The following CACNA2D3 variants were observed in gnomAD, a reference collection of about 807,000 sequenced individuals.
CACNA2D3 encodes calcium voltage-gated channel auxiliary subunit alpha2delta 3, also known as voltage-dependent calcium channel subunit alpha-2/delta-3.
A neutral mutation model predicts 160.6 loss-of-function variants in CACNA2D3; 60 were observed. The observed-to-expected ratio is 0.37, with a 90% CI of 0.30 to 0.46. CACNA2D3 has a LOEUF of 0.46. Ranked by LOEUF, CACNA2D3 falls within the 20% of genes least tolerant of loss-of-function variation. CACNA2D3 has a pLI of 1.00. For synonymous variants in CACNA2D3, 558 were observed against 492.9 expected, an observed-to-expected ratio of 1.13 and a Z score of -1.75; for missense variants, 1,205 against 1,365.0, an observed-to-expected ratio of 0.88 and a Z score of 1.85.
intron 4 of CACNA2D3, among the ~76,000 whole-genome samples, chr3:54,460,877 G>A (rs896887584): frequency 6.6e-6 from 1 of 152,194 alleles, no homozygotes; most frequent in African/African-American, 2.4e-5. Context: ...AATGCTTCCA[G>A]TTTTTGCCCA....
intron 14 of CACNA2D3, among the ~76,000 whole-genome samples, chr3:54,819,383 G>C (rs952906039): frequency 1.1e-4 from 16 of 152,264 alleles, no homozygotes; most frequent in African/African-American, 3.1e-4. Flanking sequence ...ATTACGACTT[G>C]GCTTGACTTG....
chr3:54,414,536 G>A (rs1439614901), intron 4 of CACNA2D3, among the ~76,000 whole-genome samples: 1 of 152,072 alleles, frequency 6.6e-6, no homozygotes. Flanking sequence ...AAGTTACCAC[G>A]TTAGTGACCC....
chr3:54,473,379 A>G (rs1025241833), intron 4 of CACNA2D3, among the ~76,000 whole-genome samples: 2 of 152,230 alleles, frequency 1.3e-5, no homozygotes, highest in East Asian at 3.8e-4. Flanking sequence ...TAAAAAAATT[A>G]ACTCAGGATG....
intron 27 of CACNA2D3, chr3:54,927,789 G>A: frequency 9.1e-7 from 1 of 1,093,288 alleles, no homozygotes; most frequent in Non-Finnish European, 1.4e-6. Context: ...TTTCATATCT[G>A]TCCAGTCTTT....
intron 9 of CACNA2D3, among the ~76,000 whole-genome samples, chr3:54,618,444 A>G (rs1698911309): frequency 6.7e-6 from 1 of 149,688 alleles, no homozygotes; most frequent in Non-Finnish European, 1.5e-5. Flanking sequence ...TTATTCACAG[A>G]CTCAAATAAG....
rs151305580 is a variant in CACNA2D3, at chr3:54,420,910, G to A, written c.381+34136G>A. Among the ~76,000 whole-genome samples the A allele has an allele frequency of 2.9e-3, 439 of 152,322 alleles. 1 individual carries two copies. The highest frequency in any genetic ancestry group is 0.01 in the Middle Eastern group (3 of 294). On this transcript the variant is annotated intron_variant, in intron 4 of 37. Coordinates refer to ENST00000474759, the MANE Select transcript of CACNA2D3 (RefSeq NM_018398.3). ...ACATTTTTCTTTGATCTGGTAGTGT[G>A]GAGTGATGGGAAGTTGTAATAAATT... is the stretch of plus-strand genomic sequence containing the variant.
chr3:54,706,885 C>G (rs1445848338), intron 11 of CACNA2D3, among the ~76,000 whole-genome samples: 1 of 152,212 alleles, frequency 6.6e-6, no homozygotes, highest in Admixed American at 6.5e-5. Flanking sequence ...GGAAACTTTC[C>G]ATCAGCTACT....
At chr3:54,594,444 A>G (rs920081665) in intron 9 of CACNA2D3, among the ~76,000 whole-genome samples, 5 of 152,258 alleles carry the variant, frequency 3.3e-5, no homozygotes, top group Admixed American at 6.5e-5. Flanking sequence ...AAATAACATA[A>G]CATTAGCATC....
chr3:54,413,400 A>C (rs568503429), intron 4 of CACNA2D3, among the ~76,000 whole-genome samples: 2 of 146,866 alleles, frequency 1.4e-5, no homozygotes, highest in African/African-American at 2.5e-5. Context: ...ATATATATCT[A>C]TATATATCTA....
At chr3:54,303,818 G>GTTTTTTTTTTTTTTTTTTTT (rs71617795) in intron 2 of CACNA2D3, among the ~76,000 whole-genome samples, 3 of 115,006 alleles carry the variant, frequency 2.6e-5, no homozygotes, top group African/African-American at 1.0e-4. Flanking sequence ...CTTTTTTTCT[G>GTTTTTTTTTTTTTTTTTTTT]TTTTTTTTTT....
At chr3:54,421,518 C>T (rs1699835858) in intron 4 of CACNA2D3, among the ~76,000 whole-genome samples, 1 of 151,998 alleles carries the variant, frequency 6.6e-6, no homozygotes, top group Non-Finnish European at 1.5e-5. Flanking sequence ...AGGAGGGCCT[C>T]AGGGGTCCCT....
chr3:54,987,252 C>G (rs918021625), intron 30 of CACNA2D3, among the ~76,000 whole-genome samples: 2 of 152,200 alleles, frequency 1.3e-5, no homozygotes, highest in African/African-American at 4.8e-5. Context: ...CTGTATTTCC[C>G]TAAACAGGTC....
At chr3:54,665,343 G>T (rs1700044320) in intron 11 of CACNA2D3, among the ~76,000 whole-genome samples, 1 of 152,330 alleles carries the variant, frequency 6.6e-6, no homozygotes, top group East Asian at 1.9e-4. Context: ...ATAAGCTCAA[G>T]ATAATGAAAT....
intron 9 of CACNA2D3, among the ~76,000 whole-genome samples, chr3:54,584,911 A>G (rs913870045): frequency 6.6e-6 from 1 of 152,212 alleles, no homozygotes; most frequent in African/African-American, 2.4e-5. Flanking sequence ...CCAGGATTCT[A>G]TATCCAGTGA....
At chr3:54,885,843 A>G (rs1379915826) in intron 23 of CACNA2D3, among the ~76,000 whole-genome samples, 1 of 152,186 alleles carries the variant, frequency 6.6e-6, no homozygotes, top group African/African-American at 2.4e-5. Context: ...TAGTCAAGCA[A>G]CTGAATAGGA....
chr3:54,253,798 G>C (rs1424018959), intron 2 of CACNA2D3, among the ~76,000 whole-genome samples: 1 of 151,946 alleles, frequency 6.6e-6, no homozygotes, highest in Non-Finnish European at 1.5e-5. Context: ...TTTTGAGACA[G>C]AGTCTATTGC....
At chr3:54,339,789 G>A (rs981471055) in intron 3 of CACNA2D3, among the ~76,000 whole-genome samples, 1 of 152,158 alleles carries the variant, frequency 6.6e-6, no homozygotes, top group African/African-American at 2.4e-5. Context: ...TGAGTTACAG[G>A]ATGCACTCTA....
chr3:54,660,239 C>T (rs987436492), intron 11 of CACNA2D3, among the ~76,000 whole-genome samples: 2 of 151,706 alleles, frequency 1.3e-5, no homozygotes, highest in African/African-American at 4.8e-5. Context: ...TGGCTCACTG[C>T]AAGCTCCGCC....
In CACNA2D3 at chr3:54,125,720, G is replaced by A. The variant is rs138838248; in HGVS notation, c.204+2126G>A. ...GTCCACTATCCCCGCAAATGCTTTT[G>A]TATTTTTAAAATTAGCAAAGAACAT... is the stretch of plus-strand genomic sequence containing the variant. On this transcript the variant is annotated intron_variant, in intron 2 of 37. Transcript: ENST00000474759. 3.2e-3 allele frequency among the ~76,000 whole-genome samples: 486 copies of A among 152,298 alleles called. 2 individuals are homozygous for A. The highest frequency in any genetic ancestry group is 0.011 in the African/African-American group (459 of 41,570).
Sources: allele counts gnomAD v4.1 joint callset (sites outside exome capture counted in the v4.1 genomes callset), GRCh38; gene constraint gnomAD v4.1.1; transcripts MANE v1.5; gene names NCBI Gene and HGNC (gene_info 2026-07-23, HGNC 2026-07-21).